COL4A6: variants seen among roughly 807,000 people sequenced by gnomAD.
The protein encoded by COL4A6 is collagen type IV alpha 6 chain.
Under a neutral mutation model 126.7 loss-of-function variants are expected in COL4A6, and 59 were observed. The ratio of observed to expected loss-of-function variants is 0.47; its 90% CI spans 0.38 to 0.58. The LOEUF is 0.58. COL4A6 is among the 20% of genes least tolerant of loss of function. The pLI is 0.00. For missense variants in COL4A6, 1,285 were observed against 1,337.3 expected (o/e 0.96, Z 0.61); for synonymous variants, 547 against 496.6 (o/e 1.10, Z -1.35).
At chrX:108,341,116 C>T (rs2039553524) in intron 2 of COL4A6, among the ~76,000 whole-genome samples, 1 of 111,244 alleles carries the variant, frequency 9.0e-6, no homozygotes. Flanking sequence ...AGCTTTCTGT[C>T]ATTGAACCTA....
intron 5 of COL4A6, 72 bp downstream of exon 5, chrX:108,219,626 A>G (rs1300736042): frequency 1.1e-6 from 1 of 921,956 alleles, no homozygotes. Context: ...GATGTTGCTG[A>G]GGTCAAAGTG....
At chrX:108,229,026 A>T (rs2036240469) in intron 3 of COL4A6, among the ~76,000 whole-genome samples, 1 of 112,366 alleles carries the variant, frequency 8.9e-6, no homozygotes, top group East Asian at 2.8e-4. Flanking sequence ...GAATCAGCGA[A>T]TTCTGTAAGC....
intron 2 of COL4A6, among the ~76,000 whole-genome samples, chrX:108,367,905 C>A (rs948433437): frequency 4.5e-5 from 5 of 111,710 alleles, no homozygotes; most frequent in African/African-American, 1.6e-4. Context: ...TTATTTGTTG[C>A]CATGTGACCA....
At chrX:108,435,590 G>T (rs181865747) in intron 2 of COL4A6, among the ~76,000 whole-genome samples, 304 of 111,996 alleles carry the variant, frequency 2.7e-3, no homozygotes, top group Non-Finnish European at 3.6e-3. Context: ...ATTTTATGCA[G>T]ATAAATTGTG....
chrX:108,165,140 A>G (rs1359146679), intron 38 of COL4A6, 102 bp from the exon 39 acceptor site: 1 of 919,237 alleles, frequency 1.1e-6, no homozygotes, highest in Non-Finnish European at 1.5e-6. Context: ...TTCCCAGGAC[A>G]GAGAATGTTC....
chrX:108,259,782 T>C (rs1430836264), intron 3 of COL4A6, among the ~76,000 whole-genome samples: 1 of 111,872 alleles, frequency 8.9e-6, no homozygotes, highest in Non-Finnish European at 1.9e-5. Context: ...ATGCCCTAGC[T>C]GCTTGATGCT....
chrX:108,323,858 A>G (rs1197710607), intron 2 of COL4A6, among the ~76,000 whole-genome samples: 6 of 111,950 alleles, frequency 5.4e-5, no homozygotes, highest in Non-Finnish European at 9.4e-5. Context: ...TCCAATAAAA[A>G]TACTCAAAAT....
At chrX:108,381,401 T>A (rs867234830) in intron 2 of COL4A6, among the ~76,000 whole-genome samples, 1 of 112,233 alleles carries the variant, frequency 8.9e-6, no homozygotes, top group South Asian at 3.7e-4. Context: ...CTGAGAAATA[T>A]GTATCTTTAA....
chrX:108,439,426 C>A, upstream of COL4A6: 1 of 675,676 alleles, frequency 1.5e-6, no homozygotes, highest in Non-Finnish European at 2.1e-6. Flanking sequence ...TAGAAACTCT[C>A]TGTTCTGTGA....
chrX:108,299,063 G>A (rs2038413567), intron 3 of COL4A6, among the ~76,000 whole-genome samples: 1 of 110,810 alleles, frequency 9.0e-6, no homozygotes, highest in Admixed American at 9.5e-5. Flanking sequence ...TCCTGCTGTT[G>A]AGCCTCTTCT....
intron 3 of COL4A6, among the ~76,000 whole-genome samples, chrX:108,297,966 C>T (rs767437391): frequency 9.2e-6 from 1 of 108,675 alleles, no homozygotes; most frequent in Non-Finnish European, 1.9e-5. Flanking sequence ...TGTGAGTACA[C>T]ACACCACACA....
chrX:108,242,036 C>T (rs1205559282), intron 3 of COL4A6, among the ~76,000 whole-genome samples: 2 of 104,895 alleles, frequency 1.9e-5, no homozygotes, highest in Non-Finnish European at 3.9e-5. Context: ...AGTACATTGC[C>T]CAGGCTGGTC....
At chrX:108,403,823 T>C (rs577003372) in intron 2 of COL4A6, among the ~76,000 whole-genome samples, 1 of 111,995 alleles carries the variant, frequency 8.9e-6, no homozygotes, top group South Asian at 3.7e-4. Flanking sequence ...TGATCTTTGA[T>C]ATTTGTGAAT....
intron 3 of COL4A6, among the ~76,000 whole-genome samples, chrX:108,302,351 T>C (rs188585362): frequency 8.9e-6 from 1 of 111,820 alleles, no homozygotes; most frequent in East Asian, 2.8e-4. Context: ...TCTTTCATCA[T>C]TGAGAATTGA....
Position 108,159,565 on chromosome X carries a change from C to T in COL4A6, c.4709G>A (p.Cys1570Tyr). ...AGCAATGGCTTGCGAGGGTGCCTCA[C>T]ACACAGAGCAGCGGCTGATGTACTG... ...IPQYISRCSVCEAPSQAIAVH... is the reference protein window; with the variant it reads ...IPQYISRCSVYEAPSQAIAVH... The change falls in exon 44 of 45, where the codon TGT (cysteine) becomes TAT (tyrosine). Residue 1570 changes from cysteine to tyrosine, a missense_variant. Physicochemically the swap from Cys to Tyr is radical, Grantham distance 194. Coordinates refer to ENST00000334504, the MANE Select transcript of COL4A6 (RefSeq NM_033641.4). 8.2e-7 allele frequency: 1 copy of T among 1,212,181 alleles called. No individual in the cohort carries two copies. Among genetic ancestry groups the T allele is most frequent in the Non-Finnish European group, 1.1e-6 (1 of 895,557 alleles).
Position 108,438,354 on chromosome X carries a change from T to C in COL4A6, c.-158A>G, listed in dbSNP as rs1206425302. 2.8e-6 allele frequency: 3 copies of C among 1,074,644 alleles called. No homozygotes were observed. Among genetic ancestry groups the C allele is most frequent in the Admixed American group, 8.4e-5 (2 of 23,906 alleles). 88.6% of individuals were successfully genotyped at this position (1,074,644 alleles called of 1,213,427 possible). On this transcript the variant is annotated 5_prime_UTR_variant, in exon 1 of 45. Coordinates refer to ENST00000334504, the MANE Select transcript of COL4A6 (RefSeq NM_033641.4). ...TTTGGAAGAAACTAAACACTGCTTC[T>C]AGATAAGAAGTGCTCCAAAGGGAAA... is the stretch of plus-strand genomic sequence containing the variant.
intron 8 of COL4A6, among the ~76,000 whole-genome samples, chrX:108,208,106 A>G (rs765033145): frequency 8.9e-6 from 1 of 112,404 alleles, no homozygotes; most frequent in South Asian, 3.7e-4. Flanking sequence ...ATGATAAAAT[A>G]GGTCAATTTA....
chrX:108,311,773 T>C (rs1270334685), intron 2 of COL4A6, among the ~76,000 whole-genome samples: 1 of 111,948 alleles, frequency 8.9e-6, no homozygotes, highest in Non-Finnish European at 1.9e-5. Context: ...AGACATTCTC[T>C]TTACTCCTAC....
chrX:108,287,325 C>T (rs1355670939), intron 3 of COL4A6, among the ~76,000 whole-genome samples: 1 of 111,675 alleles, frequency 9.0e-6, no homozygotes, highest in Non-Finnish European at 1.9e-5. Flanking sequence ...GATGCCTGGT[C>T]GTTTTTGTTT....
Sources: gnomAD v4.1 joint callset for allele counts (sites outside exome capture counted in the v4.1 genomes callset) on GRCh38, gnomAD v4.1.1 for gene constraint, MANE v1.5 for transcripts, NCBI Gene and HGNC (gene_info 2026-07-23, HGNC 2026-07-21) for gene names.